DDX55: variants seen among roughly 807,000 people sequenced by gnomAD.
DDX55 encodes the protein DEAD-box helicase 55, also known as ATP-dependent RNA helicase DDX55.
A neutral mutation model predicts 69.2 loss-of-function variants in DDX55; 56 were observed. That is an observed-to-expected ratio of 0.81 (90% confidence interval 0.65 to 1.01). DDX55 has a LOEUF of 1.01. Among genes scored for constraint, DDX55 ranks in the 50% least tolerant of loss-of-function variants. The probability of loss-of-function intolerance (pLI) is 0.00; values close to 1 mark genes in which losing one functional copy is unlikely to be tolerated. For missense variants in DDX55, 720 were observed against 745.1 expected, an observed-to-expected ratio of 0.97 and a Z score of 0.39; for synonymous variants, 268 against 273.1, an observed-to-expected ratio of 0.98 and a Z score of 0.18.
intron 8 of DDX55, 92 bp from the exon 9 acceptor site, chr12:123,615,093 C>A (rs558289926): frequency 1.3e-6 from 2 of 1,551,816 alleles, no homozygotes; most frequent in Non-Finnish European, 1.8e-6. Context: ...AGTTAGGTTG[C>A]GTCTGCTGCA....
At chr12:123,603,827 G>A (rs1319724739) in intron 1 of DDX55, among the ~76,000 whole-genome samples, 3 of 151,744 alleles carry the variant, frequency 2.0e-5, no homozygotes, top group Non-Finnish European at 4.4e-5. Flanking sequence ...TTTTGAGACG[G>A]AATCTTTCTC....
At chr12:123,606,276 C>T (rs982865159) in intron 3 of DDX55, 117 bp downstream of exon 3, 3 of 1,258,146 alleles carry the variant, frequency 2.4e-6, no homozygotes, top group Non-Finnish European at 3.2e-6. Context: ...CGCCTGTAAT[C>T]CCAGCACTTT....
chr12:123,613,170 G>A lies in DDX55; in HGVS notation c.742G>A (p.Val248Ile). The A allele has an allele frequency of 3.7e-6, 6 of 1,613,868 alleles. No homozygotes were observed. In the African/African-American group the frequency reaches 4.0e-5, roughly 11 times the overall value. The stretch of plus-strand genomic sequence containing the variant: ...ATTAGTTTCCCTTTTTATTTTGCAG[G>A]TATGCAAGGCAGATGAGAAATTTAA... ...TPSRLENYYM[V>I]CKADEKFNQL... The change falls in exon 8 of 14, where the codon GTA (valine) becomes ATA (isoleucine). Residue 248 changes from valine to isoleucine, a missense_variant and splice_region_variant. Val to Ile is a conservative substitution (Grantham distance 29). Transcript: ENST00000238146.
At chr12:123,607,179 C>G (rs1031057782) in intron 3 of DDX55, among the ~76,000 whole-genome samples, 34 of 152,212 alleles carry the variant, frequency 2.2e-4, no homozygotes, top group Admixed American at 8.5e-4. Context: ...CCCTGTGTTT[C>G]CCCTGTGAGC....
At chr12:123,619,316 T>C (rs1197881659) in intron 12 of DDX55, 116 bp from the exon 13 acceptor site, 4 of 1,456,254 alleles carry the variant, frequency 2.7e-6, no homozygotes, top group Non-Finnish European at 3.6e-6. Flanking sequence ...ATTATTTTCA[T>C]TCTAACTAAA....
chr12:123,615,344 C>T, intron 9 of DDX55, 28 bp downstream of exon 9: 1 of 1,610,538 alleles, frequency 6.2e-7, no homozygotes, highest in Non-Finnish European at 8.5e-7. Context: ...AAGGTAGCAG[C>T]TCTCCTGCCA....
chr12:123,617,872 A>C lies in DDX55; in HGVS notation c.1164A>C (p.Lys388Asn), dbSNP rs528874463. The C allele has an allele frequency of 6.2e-7, 1 of 1,613,854 alleles. No individual in the cohort carries two copies. Among genetic ancestry groups the C allele is most frequent in the South Asian group, 1.1e-5 (1 of 91,088 alleles). ...SYINFLAINQ[K>N]CPLQEMKPQR... ...TCAATTTCCTTGCAATTAACCAAAA[A>C]GTAAGCTGCCGTCCGTTTTCAGATA... The change falls in exon 11 of 14, where the codon AAA becomes AAC. Residue 388 changes from lysine to asparagine, a missense_variant and splice_region_variant. By Grantham distance (94) the Lys-to-Asn change is moderately conservative (BLOSUM62 0). Transcript: ENST00000238146.
At position 123,602,570 on chromosome 12, in the gene DDX55, C is replaced by G. The variant is rs527619775; in HGVS notation, c.108+314C>G. On this transcript the variant is annotated intron_variant, in intron 1 of 13. Transcript: ENST00000238146. ...CCTCTCCGTGCTTCATTTTCCTTCT[C>G]TGTGAAATGACGAAAAAATAACACC... Among the ~76,000 whole-genome samples, 11 of 152,344 alleles carry G rather than the reference C, an allele frequency of 7.2e-5. No homozygotes were observed. In the South Asian group the frequency reaches 2.3e-3, roughly 32 times the overall value.
chr12:123,613,109 T>C (rs1396335114), intron 7 of DDX55, 61 bp from the exon 8 acceptor site: 29 of 1,552,220 alleles, frequency 1.9e-5, no homozygotes, highest in African/African-American at 4.1e-5. Flanking sequence ...AAACTGAAAA[T>C]AGCCATGGGG....
At chr12:123,602,339 A>T in intron 1 of DDX55, 83 bp downstream of exon 1, 1 of 1,287,580 alleles carries the variant, frequency 7.8e-7, no homozygotes, top group Non-Finnish European at 1.0e-6. Flanking sequence ...GTGATCGGAC[A>T]GATCTGAGCC....
chr12:123,612,478 A>G (rs953069244), intron 7 of DDX55, among the ~76,000 whole-genome samples: 1 of 152,164 alleles, frequency 6.6e-6, no homozygotes. Flanking sequence ...TTATGAAGAA[A>G]AGCAGTGGGG....
At chr12:123,610,672 C>T (rs1190213547) in intron 7 of DDX55, among the ~76,000 whole-genome samples, 25 of 131,974 alleles carry the variant, frequency 1.9e-4, no homozygotes, top group African/African-American at 3.3e-4. Flanking sequence ...AGTGCAGTGG[C>T]GCGATCTCAG....
rs1462101382 is a variant in DDX55 at position 123,610,945 on chromosome 12, G to A, written c.741+817G>A. Among the ~76,000 whole-genome samples the A allele has an allele frequency of 3.4e-5, 5 of 147,502 alleles. No individual in the cohort carries two copies. In the East Asian group the frequency reaches 1.0e-3, roughly 31 times the overall value. ...AGACGGGGTCTCACCCTGTCACCCAGGCTGGAGTGCAATGGCACGATCTCG... is the reference window on the plus strand; with the variant it reads ...AGACGGGGTCTCACCCTGTCACCCAAGCTGGAGTGCAATGGCACGATCTCG... On this transcript the variant is annotated intron_variant, in intron 7 of 13. Coordinates refer to ENST00000238146, the MANE Select transcript of DDX55 (RefSeq NM_020936.3).
chr12:123,619,178 A>AT (rs1289407083), intron 12 of DDX55, among the ~76,000 whole-genome samples: 3 of 151,954 alleles, frequency 2.0e-5, no homozygotes, highest in Non-Finnish European at 4.4e-5. Flanking sequence ...AATTTTTTGT[A>AT]TTTTTTAGTA....
intron 3 of DDX55, among the ~76,000 whole-genome samples, chr12:123,606,388 GA>G (rs991404625): frequency 3.3e-4 from 49 of 149,836 alleles, no homozygotes; most frequent in African/African-American, 1.1e-3. Flanking sequence ...AATGAAACTT[GA>G]AAAAAAAAGA....
chr12:123,606,583 C>CTTTTTTTT (rs11445443), intron 3 of DDX55, among the ~76,000 whole-genome samples: 1 of 138,502 alleles, frequency 7.2e-6, no homozygotes. Flanking sequence ...TGTTTTTTAC[C>CTTTTTTTT]TTTTTTTTTT....
intron 11 of DDX55, chr12:123,618,163 T>C (rs1173056273): frequency 5.0e-6 from 2 of 398,518 alleles, no homozygotes; most frequent in Non-Finnish European, 9.5e-6. Context: ...ATTACAGGCA[T>C]GCGCCACCCC....
rs1001724182 is a variant in DDX55 at position 123,618,657 on chromosome 12, G to A, written c.1165-12G>A. On this transcript the variant is annotated splice_polypyrimidine_tract_variant and intron_variant, in intron 11 of 13. Coordinates refer to ENST00000238146, the MANE Select transcript of DDX55 (RefSeq NM_020936.3). The stretch of plus-strand genomic sequence containing the variant: ...CAGGGAAGGTGAGAATGTGGTATGT[G>A]TGTGTGTGTAGTGCCCCCTGCAGGA... 2 of 1,612,552 alleles carry A rather than the reference G, an allele frequency of 1.2e-6. No individual in the cohort carries two copies. Among genetic ancestry groups the A allele is most frequent in the African/African-American group, 2.7e-5 (2 of 74,828 alleles).
chr12:123,610,773 G>A (rs1427872280), intron 7 of DDX55, among the ~76,000 whole-genome samples: 2 of 151,556 alleles, frequency 1.3e-5, no homozygotes, highest in Admixed American at 6.6e-5. Context: ...CACCACGCCC[G>A]GCTAATTTTT....
Sources: allele counts gnomAD v4.1 joint callset (sites outside exome capture counted in the v4.1 genomes callset), GRCh38; gene constraint gnomAD v4.1.1; transcripts MANE v1.5; gene names NCBI Gene and HGNC (gene_info 2026-07-23, HGNC 2026-07-21).